RAP1B: variants seen among roughly 807,000 people sequenced by gnomAD.
RAP1B encodes the protein RAP1B, member of RAS oncogene family, also known as ras-related protein Rap-1b.
In RAP1B, 1 loss-of-function variant was observed where a neutral mutation model predicts 27.5. The observed-to-expected ratio is 0.04, with a 90% confidence interval of 0.01 to 0.17. The LOEUF (loss-of-function observed/expected upper bound fraction) is 0.17. Ranked by LOEUF, RAP1B falls within the 10% of genes least tolerant of loss-of-function variation. The probability of loss-of-function intolerance (pLI) is 1.00; values close to 1 mark genes in which losing one functional copy is unlikely to be tolerated. For missense variants in RAP1B, 84 were observed against 214.8 expected, an observed-to-expected ratio of 0.39 and a Z score of 3.81; for synonymous variants, 75 against 73.1, an observed-to-expected ratio of 1.03 and a Z score of -0.13.
At chr12:68,654,334 AGC>A in intron 5 of RAP1B, 82 bp downstream of exon 5, 2 of 327,352 alleles carry the variant, frequency 6.1e-6, no homozygotes, top group Non-Finnish European at 9.9e-6. Context: ...TTCATTTTAA[AGC>A]TTGTGTATTT....
chr12:68,639,560 A>T (rs1399414896), intron 1 of RAP1B, among the ~76,000 whole-genome samples: 1 of 151,886 alleles, frequency 6.6e-6, no homozygotes. Context: ...CTTGACACTA[A>T]CCTCCTAAGA....
intron 4 of RAP1B, 135 bp downstream of exon 4, chr12:68,652,186 C>A: frequency 1.6e-6 from 1 of 624,788 alleles, no homozygotes; most frequent in South Asian, 3.2e-5. Flanking sequence ...TGGCTCACAC[C>A]TCTATTCCCA....
intron 1 of RAP1B, among the ~76,000 whole-genome samples, chr12:68,644,520 G>A (rs1460383303): frequency 6.6e-6 from 1 of 151,248 alleles, no homozygotes; most frequent in Non-Finnish European, 1.5e-5. Flanking sequence ...GGAGGCGGAG[G>A]TTGCAGTGAG....
intron 1 of RAP1B, among the ~76,000 whole-genome samples, chr12:68,645,831 T>G (rs1267904964): frequency 1.3e-5 from 2 of 152,196 alleles, no homozygotes; most frequent in East Asian, 3.9e-4. Context: ...TACTGTTGGG[T>G]TTTTTTTGTT....
At chr12:68,616,916 C>T (rs1871068975) in intron 1 of RAP1B, among the ~76,000 whole-genome samples, 1 of 152,102 alleles carries the variant, frequency 6.6e-6, no homozygotes, top group Admixed American at 6.5e-5. Flanking sequence ...AACTGATTGC[C>T]GAAGTGGTGG....
chr12:68,617,441 CTGT>C (rs749517482), intron 1 of RAP1B, among the ~76,000 whole-genome samples: 1 of 152,172 alleles, frequency 6.6e-6, no homozygotes, highest in Non-Finnish European at 1.5e-5. Flanking sequence ...CATATGTTAT[CTGT>C]TGTTTTCTCC....
intron 1 of RAP1B, among the ~76,000 whole-genome samples, chr12:68,640,477 C>T (rs1226829567): frequency 1.3e-5 from 2 of 152,158 alleles, no homozygotes; most frequent in East Asian, 3.9e-4. Context: ...ATTAGGTACT[C>T]ATTATATATT....
At chr12:68,628,729 G>A (rs541850215) in intron 1 of RAP1B, among the ~76,000 whole-genome samples, 1 of 152,040 alleles carries the variant, frequency 6.6e-6, no homozygotes. Flanking sequence ...AGTTTCATAA[G>A]CAAAAATCCA....
chr12:68,652,001 G>A lies in RAP1B; in HGVS notation c.133G>A (p.Glu45Lys). 6.2e-7 allele frequency: 1 copy of A among 1,612,148 alleles called. No individual in the cohort carries two copies. The highest frequency in any genetic ancestry group is 8.5e-7 in the Non-Finnish European group (1 of 1,178,648). ...TIEDSYRKQVEVDAQQCMLEI... is the reference protein window; with the variant it reads ...TIEDSYRKQVKVDAQQCMLEI... ...ATTTTAATTTTTCTACCAGCAAGTT[G>A]AAGTAGATGCACAACAGTGTATGCT... The change falls in exon 4 of 8, where the codon GAA becomes AAA. Residue 45 changes from glutamate to lysine, a missense_variant. By Grantham distance (56) the Glu-to-Lys change is moderately conservative. Coordinates refer to ENST00000250559, the MANE Select transcript of RAP1B (RefSeq NM_001010942.3).
In RAP1B at chr12:68,662,058, A is replaced by T. The variant is rs1001021955; in HGVS notation, c.*2809A>T. 6.8e-6 allele frequency: 1 copy of T among 146,306 alleles called. No homozygotes were observed. The highest frequency in any genetic ancestry group is 2.5e-5 in the African/African-American group (1 of 40,198). The allele number at this position is 146,306 out of a possible 1,614,324, so 9.1% of individuals were successfully genotyped here. A position where few individuals can be genotyped will look rare whatever the true frequency, so the allele number is the denominator to read the frequency against. ...TTATATATAGTACATATATAGAGAGAGTATATATATATATGTAGTACAGTG... is the reference window on the plus strand; with the variant it reads ...TTATATATAGTACATATATAGAGAGTGTATATATATATATGTAGTACAGTG... On this transcript the variant is annotated 3_prime_UTR_variant, in exon 8 of 8. Transcript: ENST00000250559.
rs1166945766 is a variant in RAP1B, at chr12:68,666,366, C to T, written c.*7117C>T. Reference sequence around the variant, plus strand: ...CTAGTTTAAAAGTATATATTAGTTTCCTAGGGCTGCTGTAACAAATTATCA... The same window carrying T: ...CTAGTTTAAAAGTATATATTAGTTTTCTAGGGCTGCTGTAACAAATTATCA... On this transcript the variant is annotated 3_prime_UTR_variant, in exon 8 of 8. Coordinates refer to ENST00000250559, the MANE Select transcript of RAP1B (RefSeq NM_001010942.3). The T allele has an allele frequency of 1.3e-5, 2 of 152,134 alleles. No homozygotes were observed. The highest frequency in any genetic ancestry group is 1.5e-5 in the Non-Finnish European group (1 of 68,026). The allele number at this position is 152,134 out of a possible 1,614,324, so 9.4% of individuals were successfully genotyped here.
At chr12:68,623,952 C>T (rs980077622) in intron 1 of RAP1B, among the ~76,000 whole-genome samples, 6 of 149,372 alleles carry the variant, frequency 4.0e-5, no homozygotes, top group African/African-American at 1.5e-4. Context: ...ACCCAGGAGG[C>T]GGAGGTTGCA....
intron 1 of RAP1B, chr12:68,642,465 T>C (rs1036513060): frequency 1.2e-5 from 10 of 807,318 alleles, no homozygotes; most frequent in Non-Finnish European, 1.6e-5. Context: ...TTATTTTTAA[T>C]GTCCAGAATG....
chr12:68,651,810 G>A lies in RAP1B; in HGVS notation c.127-185G>A, dbSNP rs561850417. On this transcript the variant is annotated intron_variant, in intron 3 of 7. Coordinates refer to ENST00000250559, the MANE Select transcript of RAP1B (RefSeq NM_001010942.3). ...GGCTTTTGAACTTGATTACAATTTG[G>A]GGGTCTTTGAATCTTGATTACTTAG... is the stretch of plus-strand genomic sequence containing the variant. 1.1e-5 allele frequency: 6 copies of A among 529,956 alleles called. No individual in the cohort carries two copies. In the East Asian group the frequency reaches 1.7e-4, roughly 15 times the overall value. The allele number at this position is 529,956 out of a possible 1,614,324, so 32.8% of individuals were successfully genotyped here. A position where few individuals can be genotyped will look rare whatever the true frequency, so the allele number is the denominator to read the frequency against.
At chr12:68,627,387 T>A in intron 1 of RAP1B, 1 of 618,938 alleles carries the variant, frequency 1.6e-6, no homozygotes, top group Non-Finnish European at 2.9e-6. Context: ...AGGGTGTTTT[T>A]TAAAACACAC....
chr12:68,650,565 C>A (rs1873741869), intron 3 of RAP1B, 97 bp downstream of exon 3: 1 of 1,062,308 alleles, frequency 9.4e-7, no homozygotes, highest in Non-Finnish European at 1.2e-6. Context: ...AGGATGGAGG[C>A]AGAGTTAATT....
intron 1 of RAP1B, among the ~76,000 whole-genome samples, chr12:68,627,697 T>C (rs1871910111): frequency 6.6e-6 from 1 of 152,178 alleles, no homozygotes; most frequent in Admixed American, 6.5e-5. Context: ...AAAAGCGTCT[T>C]TTATCATATA....
In RAP1B at chr12:68,659,736, A is replaced by G. The variant is rs1874492935; in HGVS notation, c.*487A>G. 6.6e-6 allele frequency: 1 copy of G among 152,608 alleles called. No homozygotes were observed. The highest frequency in any genetic ancestry group is 2.1e-4 in the South Asian group (1 of 4,842). The allele number at this position is 152,608 out of a possible 1,614,324, so 9.5% of individuals were successfully genotyped here. A position where few individuals can be genotyped will look rare whatever the true frequency, so the allele number is the denominator to read the frequency against. ...TATTGTAATTTTTTTTAAGAAATTC[A>G]AGGTCATTATTATTGTACAAAATAA... On this transcript the variant is annotated 3_prime_UTR_variant, in exon 8 of 8. Coordinates refer to ENST00000250559, the MANE Select transcript of RAP1B (RefSeq NM_001010942.3).
At chr12:68,616,716 G>A (rs1353707778) in intron 1 of RAP1B, among the ~76,000 whole-genome samples, 2 of 152,034 alleles carry the variant, frequency 1.3e-5, no homozygotes, top group Non-Finnish European at 2.9e-5. Flanking sequence ...TTACAGGCAT[G>A]AGCCACCGCG....
Sources: allele counts gnomAD v4.1 joint callset (sites outside exome capture counted in the v4.1 genomes callset), GRCh38; gene constraint gnomAD v4.1.1; transcripts MANE v1.5; gene names NCBI Gene and HGNC (gene_info 2026-07-23, HGNC 2026-07-21).